Variants in BCLAF3 observed in about 807,000 individuals in gnomAD.
BCLAF3 encodes the protein BCLAF1 and THRAP3 family member 3, also known as transient octamer binding factor 1.
BCLAF3 carries 24 observed loss-of-function variants against 51.2 expected under a neutral mutation model. That is an observed-to-expected ratio of 0.47 (90% CI 0.34 to 0.66). The LOEUF (loss-of-function observed/expected upper bound fraction) is 0.66, where lower values mean the gene tolerates loss of function less well. Ranked by LOEUF, BCLAF3 falls within the 30% of genes least tolerant of loss-of-function variation. The pLI is 0.01. For missense variants in BCLAF3, 465 were observed against 525.1 expected, an observed-to-expected ratio of 0.89 and a Z score of 1.12; for synonymous variants, 152 against 176.6, an observed-to-expected ratio of 0.86 and a Z score of 1.10.
chrX:19,947,276 T>C (rs2071343353), intron 8 of BCLAF3, among the ~76,000 whole-genome samples: 2 of 112,195 alleles, frequency 1.8e-5, no homozygotes, highest in South Asian at 7.3e-4. Flanking sequence ...ATAAAAGAAA[T>C]TCTTGGCAGT....
chrX:19,953,194 C>T (rs1403908403), intron 6 of BCLAF3, 143 bp from the exon 7 acceptor site: 2 of 450,288 alleles, frequency 4.4e-6, no homozygotes, highest in Middle Eastern at 5.3e-4. Flanking sequence ...AGTTTTTCAC[C>T]TATATGGCAG....
At position 19,966,377 on chromosome X, in the gene BCLAF3, T is replaced by C; in HGVS notation, c.314A>G (p.Asp105Gly). The C allele has an allele frequency of 5.8e-6, 7 of 1,211,756 alleles. No homozygotes were observed. The highest frequency in any genetic ancestry group is 7.8e-6 in the Non-Finnish European group (7 of 895,528). Residue 105 changes from aspartate (D) to glycine (G), a missense_variant, in exon 3 of 12, where the codon GAC becomes GGC. Transcript: ENST00000379682. ...CATATACTGAGCTCTCCTGTTACTG[T>C]CCCCTCTTCCAGGCGAATATCCTCT... ...PHRGYSPGRG[D>G]SNRRAQYMPK... is the part of the protein sequence containing the mutation.
intron 10 of BCLAF3, chrX:19,930,661 C>CA (rs994667214): frequency 4.2e-5 from 7 of 168,510 alleles, no homozygotes; most frequent in Non-Finnish European, 7.0e-5. Context: ...GACCCTGTCT[C>CA]AAAAAAACAA....
chrX:19,935,678 C>G (rs2070731648), intron 10 of BCLAF3, 131 bp downstream of exon 10: 1 of 517,322 alleles, frequency 1.9e-6, no homozygotes, highest in African/African-American at 2.3e-5. Flanking sequence ...CTATAAATGT[C>G]CAGAAATACT....
chrX:19,951,162 A>C (rs1487955284), intron 7 of BCLAF3, among the ~76,000 whole-genome samples: 2 of 111,317 alleles, frequency 1.8e-5, no homozygotes, highest in African/African-American at 3.3e-5. Context: ...AAGCAACTTA[A>C]ATGTAAAAAA....
chrX:19,977,956 G>C (rs1384288734), intron 1 of BCLAF3, among the ~76,000 whole-genome samples: 1 of 110,849 alleles, frequency 9.0e-6, no homozygotes, highest in Non-Finnish European at 1.9e-5. Context: ...CTGAGTGACA[G>C]CACATCTGTT....
chrX:19,973,524 C>T (rs763699506), intron 1 of BCLAF3, among the ~76,000 whole-genome samples: 12 of 111,058 alleles, frequency 1.1e-4, no homozygotes, highest in Non-Finnish European at 2.1e-4. Context: ...CCCCACACAC[C>T]CTACTAGTCC....
In BCLAF3 at chrX:19,917,219, T is replaced by TA. The variant is rs1445225163; in HGVS notation, c.*85dup. 3.5e-6 allele frequency: 3 copies of TA among 853,520 alleles called. No individual in the cohort carries two copies. The highest frequency in any genetic ancestry group is 5.2e-6 in the Non-Finnish European group (3 of 577,436). 70.3% of individuals were successfully genotyped at this position (853,520 alleles called of 1,213,427 possible). On this transcript the variant is annotated 3_prime_UTR_variant, in exon 12 of 12. Transcript: ENST00000379682. ...TCAAGAAGTTACAGTATTAGTGCCTTAGTGTCACTTCTAACTCCTGACAAA... is the reference window on the plus strand; with the variant it reads ...TCAAGAAGTTACAGTATTAGTGCCTTAAGTGTCACTTCTAACTCCTGACAAA...
intron 11 of BCLAF3, chrX:19,918,122 T>G (rs754750507): frequency 4.3e-4 from 48 of 112,122 alleles, no homozygotes; most frequent in Admixed American, 1.4e-3. Context: ...TAAAAGTTGA[T>G]TTATTTTTTG....
intron 8 of BCLAF3, among the ~76,000 whole-genome samples, chrX:19,939,888 T>C (rs1183279394): frequency 8.9e-6 from 1 of 111,829 alleles, no homozygotes; most frequent in Non-Finnish European, 1.9e-5. Flanking sequence ...GGCAAATTCA[T>C]ATAGACAGAA....
At chrX:19,985,264 T>G (rs1040399029) in intron 1 of BCLAF3, 1 of 111,266 alleles carries the variant, frequency 9.0e-6, no homozygotes, top group Admixed American at 9.6e-5. Context: ...ATAAGTAAAT[T>G]TTATTCCAAG....
chrX:19,980,432 G>A (rs907396179), intron 1 of BCLAF3, among the ~76,000 whole-genome samples: 5 of 111,873 alleles, frequency 4.5e-5, no homozygotes, highest in Non-Finnish European at 7.5e-5. Flanking sequence ...TAAACATCAA[G>A]GCAACAAGAA....
chrX:19,974,069 G>T (rs2072338768), intron 1 of BCLAF3, among the ~76,000 whole-genome samples: 1 of 111,525 alleles, frequency 9.0e-6, no homozygotes. Flanking sequence ...CAGGGGATTG[G>T]TTCCAGAATC....
intron 8 of BCLAF3, among the ~76,000 whole-genome samples, chrX:19,939,876 T>C (rs768776771): frequency 3.6e-5 from 4 of 111,749 alleles, no homozygotes; most frequent in African/African-American, 6.5e-5. Context: ...ATACCCACAA[T>C]AGGCAAATTC....
chrX:19,947,724 G>A (rs774228616), intron 8 of BCLAF3, among the ~76,000 whole-genome samples: 6 of 111,664 alleles, frequency 5.4e-5, no homozygotes, highest in African/African-American at 2.0e-4. Context: ...ACTCCTTTGG[G>A]AACTCTTCAT....
intron 9 of BCLAF3, among the ~76,000 whole-genome samples, chrX:19,937,118 TC>T (rs1304293211): frequency 9.0e-6 from 1 of 111,336 alleles, no homozygotes; most frequent in Non-Finnish European, 1.9e-5. Context: ...CAAGCAATCC[TC>T]CTGCCTTGGC....
intron 4 of BCLAF3, among the ~76,000 whole-genome samples, chrX:19,957,017 T>C (rs898297515): frequency 8.9e-6 from 1 of 112,106 alleles, no homozygotes; most frequent in African/African-American, 3.2e-5. Context: ...GCTCCTCTAA[T>C]AAAATGGTTT....
rs1337680269 is a variant in BCLAF3 at position 19,969,032 on chromosome X, G to GA, written c.41+1191dup. On this transcript the variant is annotated intron_variant, in intron 2 of 11. Transcript: ENST00000379682. Reference sequence around the variant, plus strand: ...GGAGGCTGAGGCAGGAGAATGGCGTGAACCCGGGAGACGGAGCTTGCAGTG... The same window carrying GA: ...GGAGGCTGAGGCAGGAGAATGGCGTGAAACCCGGGAGACGGAGCTTGCAGTG... Among the ~76,000 whole-genome samples the GA allele has an allele frequency of 2.7e-5, 3 of 112,070 alleles. No homozygotes were observed. The East Asian group carries it at 8.4e-4, about 31-fold the overall frequency.
intron 5 of BCLAF3, chrX:19,954,286 T>A (rs1450519831): frequency 1.8e-6 from 1 of 563,756 alleles, no homozygotes; most frequent in Non-Finnish European, 2.1e-6. Flanking sequence ...GCCTGAAACA[T>A]CAAAACAATT....
Sources: gnomAD v4.1 joint callset for allele counts (sites outside exome capture counted in the v4.1 genomes callset) on GRCh38, gnomAD v4.1.1 for gene constraint, MANE v1.5 for transcripts, NCBI Gene and HGNC (gene_info 2026-07-23, HGNC 2026-07-21) for gene names.